Variants in RGPD8 observed in about 807,000 individuals in gnomAD.
RGPD8 encodes RANBP2 like and GRIP domain containing 8.
A neutral mutation model predicts 89.1 loss-of-function variants in RGPD8; 15 were observed. That is an observed-to-expected ratio of 0.17 (90% CI 0.11 to 0.26). The LOEUF is 0.26. Ranked by LOEUF, RGPD8 falls within the 10% of genes least tolerant of loss-of-function variation. The pLI is 1.00. For missense variants in RGPD8, 178 were observed against 1,179.6 expected (o/e 0.15, Z 12.44); for synonymous variants, 62 against 420.9 (o/e 0.15, Z 10.44).
At chr2:112,411,026 A>G (rs1475449617) in intron 7 of RGPD8, among the ~76,000 whole-genome samples, 1 of 152,096 alleles carries the variant, frequency 6.6e-6, no homozygotes, top group Non-Finnish European at 1.5e-5. Flanking sequence ...CAGAGGTTGC[A>G]GTGAGCCAGA....
In RGPD8 at chr2:112,433,330, C is replaced by T; in HGVS notation, c.72+52G>A. ...AGGCCGCCGCCGGGCCGGGTCGAGG[C>T]CGCCGCCGCCCGGCCGGGTCGAGGC... On this transcript the variant is annotated intron_variant, in intron 1 of 22. Transcript: ENST00000302558. The T allele has an allele frequency of 4.4e-6, 6 of 1,373,924 alleles. 1 individual carries two copies. The South Asian group carries it at 7.8e-5, about 18-fold the overall frequency. 85.1% of individuals were successfully genotyped at this position (1,373,924 alleles called of 1,614,324 possible).
rs1235483846 is a variant in RGPD8 at position 112,433,376 on chromosome 2, A to C, written c.72+6T>G. On this transcript the variant is annotated splice_donor_region_variant and intron_variant, in intron 1 of 22. Transcript: ENST00000302558. ...GAGGCCGCCGCTCTCTTCCAGACCCACTCACCTGTCGAGGCGACGGGGTGA... is the reference window on the plus strand; with the variant it reads ...GAGGCCGCCGCTCTCTTCCAGACCCCCTCACCTGTCGAGGCGACGGGGTGA... 1 of 1,609,408 alleles carries C rather than the reference A, an allele frequency of 6.2e-7. No individual in the cohort carries two copies. The highest frequency in any genetic ancestry group is 8.5e-7 in the Non-Finnish European group (1 of 1,178,634).
chr2:112,370,906 C>T (rs1415331567), intron 22 of RGPD8, among the ~76,000 whole-genome samples: 1 of 151,616 alleles, frequency 6.6e-6, no homozygotes, highest in Non-Finnish European at 1.5e-5. Context: ...AGAAATTCTT[C>T]CTCTATTCTG....
intron 1 of RGPD8, among the ~76,000 whole-genome samples, chr2:112,432,901 G>C (rs74619835): frequency 0.037 from 4,574 of 122,530 alleles, 153 homozygotes; most frequent in Middle Eastern, 0.07. Flanking sequence ...TCAACAGAGC[G>C]CGCCAGGGAG....
At chr2:112,420,169 CAAAAAAAAA>C (rs1171607081) in intron 4 of RGPD8, among the ~76,000 whole-genome samples, 17 of 26,158 alleles carry the variant, frequency 6.5e-4, no homozygotes, top group African/African-American at 2.6e-3. Flanking sequence ...GACTCTGTCT[CAAAAAAAAA>C]AAAAAAAAAA....
intron 1 of RGPD8, among the ~76,000 whole-genome samples, chr2:112,433,118 C>T (rs1015143263): frequency 3.5e-5 from 4 of 113,766 alleles, no homozygotes; most frequent in African/African-American, 9.0e-5. Flanking sequence ...TGACCCCTGA[C>T]CCATCGAGGC....
chr2:112,419,669 C>T (rs1173147352), intron 4 of RGPD8, among the ~76,000 whole-genome samples: 7 of 150,208 alleles, frequency 4.7e-5, no homozygotes, highest in Non-Finnish European at 8.9e-5. Context: ...AAGAGTGCTT[C>T]AAAGTATCTA....
rs1364386780 is a variant in RGPD8, at chr2:112,422,610, T to C, written c.190A>G (p.Arg64Gly). ...NVQERDPKAH[R>G]FLGLLYELEE... ...AATTCATAAAGAAGACCCAGAAATC[T>C]GTGAGCTTTGGGATCCCTCTCTTGC... Residue 64 changes from arginine (R) to glycine (G), a missense_variant, in exon 3 of 23, where the codon AGA becomes GGA. Arg to Gly is a moderately radical substitution (Grantham distance 125). Coordinates refer to ENST00000302558, the MANE Select transcript of RGPD8 (RefSeq NM_001164463.1). 6 of 1,609,006 alleles carry C rather than the reference T, an allele frequency of 3.7e-6. 1 individual carries two copies. The highest frequency in any genetic ancestry group is 4.2e-6 in the Non-Finnish European group (5 of 1,178,820).
intron 7 of RGPD8, among the ~76,000 whole-genome samples, chr2:112,411,235 T>A (rs1679182381): frequency 1.3e-5 from 2 of 151,690 alleles, no homozygotes; most frequent in Admixed American, 1.3e-4. Context: ...GCTTATTTCT[T>A]TTCCTTTCGA....
At chr2:112,404,982 G>A (rs1678982949) in intron 8 of RGPD8, among the ~76,000 whole-genome samples, 1 of 152,294 alleles carries the variant, frequency 6.6e-6, no homozygotes, top group South Asian at 2.1e-4. Context: ...ACTGATACAT[G>A]CTATAACACA....
intron 22 of RGPD8, among the ~76,000 whole-genome samples, chr2:112,371,028 C>T (rs1462331804): frequency 6.6e-6 from 1 of 150,766 alleles, no homozygotes; most frequent in African/African-American, 2.5e-5. Flanking sequence ...TCCAGCACAA[C>T]TAAATATTGT....
At chr2:112,430,867 G>A (rs1374733808) in intron 1 of RGPD8, among the ~76,000 whole-genome samples, 1 of 152,156 alleles carries the variant, frequency 6.6e-6, no homozygotes, top group Non-Finnish European at 1.5e-5. Context: ...TAAGGTGGGA[G>A]GACGGATTGA....
intron 1 of RGPD8, among the ~76,000 whole-genome samples, chr2:112,430,455 A>G (rs1041110184): frequency 5.7e-4 from 58 of 101,710 alleles, no homozygotes; most frequent in African/African-American, 1.1e-3. Flanking sequence ...TTTGGGGGGG[A>G]AAAAAAGACT....
At chr2:112,411,263 T>TAA (rs544543428) in intron 7 of RGPD8, among the ~76,000 whole-genome samples, 18 of 83,026 alleles carry the variant, frequency 2.2e-4, no homozygotes, top group African/African-American at 5.0e-4. Context: ...GCAAGCTCAT[T>TAA]AAAAAAAAAA....
Position 112,391,663 on chromosome 2 carries a change from C to T in RGPD8, c.2603-594G>A, listed in dbSNP as rs191057409. 4.6e-3 allele frequency among the ~76,000 whole-genome samples: 612 copies of T among 132,054 alleles called. 118 individuals are homozygous for T. Among genetic ancestry groups the T allele is most frequent in the African/African-American group, 0.017 (585 of 33,818 alleles). The allele number at this position is 132,054 out of a possible 152,430, so 86.6% of individuals were successfully genotyped here. On this transcript the variant is annotated intron_variant, in intron 18 of 22. Coordinates refer to ENST00000302558, the MANE Select transcript of RGPD8 (RefSeq NM_001164463.1). The stretch of plus-strand genomic sequence containing the variant: ...TGCTCCCTCTGTTTGGTCTGTTTTG[C>T]CAGGAAACAAAATGACTAGAAGGCA...
chr2:112,431,644 T>G (rs1250666764), intron 1 of RGPD8, among the ~76,000 whole-genome samples: 2 of 144,960 alleles, frequency 1.4e-5, no homozygotes, highest in East Asian at 1.9e-4. Flanking sequence ...GTTTCTGGTT[T>G]TTTTTTTTTT....
At chr2:112,427,333 G>A (rs1679813262) in intron 1 of RGPD8, among the ~76,000 whole-genome samples, 2 of 152,134 alleles carry the variant, frequency 1.3e-5, no homozygotes, top group Non-Finnish European at 2.9e-5. Context: ...CTTTACAAGG[G>A]AACTGAAGCT....
chr2:112,379,631 C>A (rs1678214495), intron 21 of RGPD8, among the ~76,000 whole-genome samples: 1 of 118,888 alleles, frequency 8.4e-6, no homozygotes, highest in Admixed American at 8.4e-5. Context: ...TTAAATAAGT[C>A]ATTTAGGTTT....
intron 1 of RGPD8, among the ~76,000 whole-genome samples, chr2:112,427,581 G>A (rs955076786): frequency 6.6e-6 from 1 of 152,136 alleles, no homozygotes; most frequent in African/African-American, 2.4e-5. Context: ...CAGTAAGATA[G>A]AGATGTAATT....
Sources: allele counts gnomAD v4.1 joint callset (sites outside exome capture counted in the v4.1 genomes callset), GRCh38; gene constraint gnomAD v4.1.1; transcripts MANE v1.5; gene names NCBI Gene and HGNC (gene_info 2026-07-23, HGNC 2026-07-21).